Variants in TDRD12 observed in about 807,000 individuals in gnomAD.
The protein encoded by TDRD12 is tudor domain containing 12, also known as putative ATP-dependent RNA helicase TDRD12.
A neutral mutation model predicts 133.5 loss-of-function variants in TDRD12; 158 were observed. The ratio of observed to expected loss-of-function variants is 1.18; its 90% CI spans 1.04 to 1.35. The LOEUF is 1.35. Ranked by LOEUF, TDRD12 falls within the 40% of genes most tolerant of loss-of-function variation. The pLI is 0.00. For missense variants in TDRD12, 1,443 were observed against 1,321.3 expected (o/e 1.09, Z -1.43); for synonymous variants, 460 against 477.9 (o/e 0.96, Z 0.49).
chr19:32,726,720 T>C (rs1416974035), intron 1 of TDRD12, among the ~76,000 whole-genome samples: 1 of 151,966 alleles, frequency 6.6e-6, no homozygotes, highest in East Asian at 1.9e-4. Flanking sequence ...GTGGGCAATA[T>C]AGCAAGACCC....
At position 32,777,998 on chromosome 19, in the gene TDRD12, C is replaced by T. The variant is rs1175158701; in HGVS notation, c.1121+769C>T. 6.7e-5 allele frequency among the ~76,000 whole-genome samples: 10 copies of T among 149,444 alleles called. No homozygotes were observed. The East Asian group carries it at 1.6e-3, about 24-fold the overall frequency. ...AGTGCTGGGATTGCAGGCATGACCA[C>T]AGCTTCCAGCCTCATGCCATTTTTA... On this transcript the variant is annotated intron_variant, in intron 11 of 27. Transcript: ENST00000444215.
At chr19:32,766,982 C>T (rs1483014900) in intron 8 of TDRD12, among the ~76,000 whole-genome samples, 1 of 151,940 alleles carries the variant, frequency 6.6e-6, no homozygotes, top group Non-Finnish European at 1.5e-5. Flanking sequence ...CTTTACTTCT[C>T]ATAGTCTACC....
intron 8 of TDRD12, among the ~76,000 whole-genome samples, chr19:32,760,230 C>T (rs1372233116): frequency 6.6e-6 from 1 of 152,090 alleles, no homozygotes; most frequent in Non-Finnish European, 1.5e-5. Context: ...CTATGCTTAT[C>T]TTTGAAAAGG....
intron 23 of TDRD12, among the ~76,000 whole-genome samples, chr19:32,810,599 C>T (rs915133472): frequency 6.6e-6 from 1 of 152,228 alleles, no homozygotes; most frequent in African/African-American, 2.4e-5. Flanking sequence ...GGCGATGTTA[C>T]GAATGTGGTG....
chr19:32,784,186 G>GT (rs919916192), intron 11 of TDRD12, among the ~76,000 whole-genome samples: 7 of 152,154 alleles, frequency 4.6e-5, no homozygotes, highest in African/African-American at 1.2e-4. Flanking sequence ...TTTATTGAGA[G>GT]TTTTTAGCAT....
chr19:32,774,979 C>G (rs7256731), intron 10 of TDRD12, among the ~76,000 whole-genome samples: 1 of 150,560 alleles, frequency 6.6e-6, no homozygotes, highest in African/African-American at 2.4e-5. Flanking sequence ...AACAAGACTC[C>G]GTTTCAAAAA....
exon 20 of TDRD12, chr19:32,802,737 A>G (rs1301740573): frequency 1.3e-6 from 2 of 1,536,512 alleles, no homozygotes; most frequent in African/African-American, 1.4e-5. Context: ...GCCTCACCAA[A>G]AGTTTTTGGT....
intron 11 of TDRD12, among the ~76,000 whole-genome samples, chr19:32,779,744 G>A (rs1303167498): frequency 1.3e-5 from 2 of 152,276 alleles, no homozygotes; most frequent in Non-Finnish European, 2.9e-5. Flanking sequence ...AACTCTGTGT[G>A]TTGACCCTCG....
chr19:32,773,503 A>G (rs2145602425), exon 10 of TDRD12: 5 of 1,551,840 alleles, frequency 3.2e-6, no homozygotes, highest in East Asian at 2.4e-5. Context: ...GCATAACCAT[A>G]TATGCTGATC....
At chr19:32,754,451 C>G (rs1038223543) in intron 6 of TDRD12, among the ~76,000 whole-genome samples, 1 of 152,120 alleles carries the variant, frequency 6.6e-6, no homozygotes, top group East Asian at 1.9e-4. Context: ...CAGAGCAAGA[C>G]CCTGTCTCAA....
At chr19:32,749,013 T>A (rs1969741557) in intron 5 of TDRD12, among the ~76,000 whole-genome samples, 1 of 152,234 alleles carries the variant, frequency 6.6e-6, no homozygotes, top group Non-Finnish European at 1.5e-5. Flanking sequence ...TTTTGTGGGA[T>A]CTGTCTTAAC....
chr19:32,796,235 GGA>G (rs1971221546), intron 14 of TDRD12: 1 of 931,660 alleles, frequency 1.1e-6, no homozygotes, highest in Admixed American at 6.2e-5. Flanking sequence ...GTTGCAGTTA[GGA>G]AAAATACTAG....
rs1482655126 is a variant in TDRD12 at position 32,777,836 on chromosome 19, TATATATATATATATATATATA to T, written c.1121+608_1121+628del. Reference sequence around the variant, plus strand: ...ACATATATATATATATATATATATATATATATATATATATATATATATTTTTTTTTTTTTTTTTTTTTTTTT... The same window carrying T: ...ACATATATATATATATATATATATATTTTTTTTTTTTTTTTTTTTTTTTTT... On this transcript the variant is annotated intron_variant, in intron 11 of 27. Coordinates refer to ENST00000444215, the Ensembl canonical transcript of TDRD12. Among the ~76,000 whole-genome samples, 58 of 14,166 alleles carry T rather than the reference TATATATATATATATATATATA, an allele frequency of 4.1e-3. 2 individuals carry two copies. The highest frequency in any genetic ancestry group is 5.9e-3 in the East Asian group (3 of 512). The allele number at this position is 14,166 out of a possible 152,430, so 9.3% of individuals were successfully genotyped here.
chr19:32,742,992 T>C, intron 4 of TDRD12, 92 bp downstream of exon 4: 4 of 1,459,378 alleles, frequency 2.7e-6, no homozygotes, highest in Non-Finnish European at 2.8e-6. Context: ...TCTGTAGAAG[T>C]GCTGAGCAGG....
At chr19:32,819,229 A>T (rs998471537) in intron 27 of TDRD12, among the ~76,000 whole-genome samples, 1 of 151,200 alleles carries the variant, frequency 6.6e-6, no homozygotes, top group South Asian at 2.1e-4. Context: ...AGGTGGGAAG[A>T]TTGGTTGAGC....
chr19:32,771,127 T>C (rs1970432098), intron 8 of TDRD12, among the ~76,000 whole-genome samples: 1 of 152,166 alleles, frequency 6.6e-6, no homozygotes, highest in Admixed American at 6.5e-5. Context: ...GCATGTCACC[T>C]GTCAAGAGAG....
Position 32,798,302 on chromosome 19 carries a change from A to T in TDRD12, c.1631-6A>T, listed in dbSNP as rs62126512. On this transcript the variant is annotated splice_polypyrimidine_tract_variant and splice_region_variant and intron_variant, in intron 15 of 27. Coordinates refer to ENST00000444215, the Ensembl canonical transcript of TDRD12. ...TGAAAATGTTCACTTTTTTTTTTAA[A>T]TGCAGGTGATGTGATTGTTACGACC... 6.6e-7 allele frequency: 1 copy of T among 1,511,212 alleles called. No homozygotes were observed. The highest frequency in any genetic ancestry group is 2.1e-5 in the Admixed American group (1 of 47,850). 93.6% of individuals were successfully genotyped at this position (1,511,212 alleles called of 1,614,324 possible). A position where few individuals can be genotyped will look rare whatever the true frequency, so the allele number is the denominator to read the frequency against.
chr19:32,722,729 G>T (rs1386031283), intron 1 of TDRD12, among the ~76,000 whole-genome samples: 1 of 150,474 alleles, frequency 6.6e-6, no homozygotes, highest in Admixed American at 6.7e-5. Context: ...GCCCAGGCTG[G>T]AGTGTGGTGG....
chr19:32,808,184 TTTA>T (rs1966887969), intron 22 of TDRD12, among the ~76,000 whole-genome samples: 2 of 152,232 alleles, frequency 1.3e-5, no homozygotes, highest in Non-Finnish European at 2.9e-5. Context: ...TAAGAATTTT[TTTA>T]TTTTCTTTCT....
Sources: gnomAD v4.1 joint callset for allele counts (sites outside exome capture counted in the v4.1 genomes callset) on GRCh38, gnomAD v4.1.1 for gene constraint, MANE v1.5 for transcripts, NCBI Gene and HGNC (gene_info 2026-07-23, HGNC 2026-07-21) for gene names.